Variants in UGGT1 observed in about 807,000 individuals in gnomAD.
UGGT1 encodes the protein UDP-glucose:glycoprotein glucosyltransferase 1.
UGGT1 carries 107 observed loss-of-function variants against 203.9 expected under a neutral mutation model. The ratio of observed to expected loss-of-function variants is 0.52; its 90% CI spans 0.45 to 0.62. The LOEUF (loss-of-function observed/expected upper bound fraction) is 0.62. UGGT1 is among the 20% of genes least tolerant of loss of function. The pLI is 0.00. For missense variants in UGGT1, 1,673 were observed against 1,867.2 expected (o/e 0.90, Z 1.92); for synonymous variants, 628 against 653.5 (o/e 0.96, Z 0.59).
At position 128,143,040 on chromosome 2, in the gene UGGT1, C is replaced by T. The variant is rs372526861; in HGVS notation, c.1720-54C>T. 4.7e-6 allele frequency: 7 copies of T among 1,478,946 alleles called. No individual in the cohort carries two copies. The African/African-American group carries it at 8.7e-5, about 18-fold the overall frequency. 91.6% of individuals were successfully genotyped at this position (1,478,946 alleles called of 1,614,324 possible). A position where few individuals can be genotyped will look rare whatever the true frequency, so the allele number is the denominator to read the frequency against. On this transcript the variant is annotated intron_variant, in intron 16 of 40. Coordinates refer to ENST00000259253, the MANE Select transcript of UGGT1 (RefSeq NM_020120.4). ...AATTCAGAAAAATGTGGAATAAACA[C>T]TTTGAAATTTGAACTTAAAAGTGTA... is the stretch of plus-strand genomic sequence containing the variant.
chr2:128,131,702 A>T (rs375005146), intron 13 of UGGT1, among the ~76,000 whole-genome samples: 2 of 152,204 alleles, frequency 1.3e-5, no homozygotes, highest in African/African-American at 4.8e-5. Flanking sequence ...ATCTCAGCTC[A>T]CTGCAACTTC....
chr2:128,147,324 T>C (rs1689739144), intron 18 of UGGT1, among the ~76,000 whole-genome samples: 1 of 152,262 alleles, frequency 6.6e-6, no homozygotes, highest in Non-Finnish European at 1.5e-5. Flanking sequence ...TCCAGATTTC[T>C]ATTTGGTTCT....
At chr2:128,178,949 C>G (rs577381819) in intron 34 of UGGT1, among the ~76,000 whole-genome samples, 1 of 152,194 alleles carries the variant, frequency 6.6e-6, no homozygotes, top group Admixed American at 6.5e-5. Context: ...GATTTTAGAG[C>G]CAGGAGAGAG....
intron 18 of UGGT1, chr2:128,151,268 C>T (rs371356683): frequency 2.2e-5 from 13 of 594,758 alleles, no homozygotes; most frequent in African/African-American, 5.5e-5. Context: ...TTACCTTCCT[C>T]GTCCATCTCC....
chr2:128,134,270 A>G (rs1273197441), intron 14 of UGGT1, among the ~76,000 whole-genome samples: 1 of 152,182 alleles, frequency 6.6e-6, no homozygotes, highest in African/African-American at 2.4e-5. Flanking sequence ...TCCTGAACTC[A>G]GGTGATCCAC....
intron 5 of UGGT1, among the ~76,000 whole-genome samples, chr2:128,112,424 A>T: frequency 9.0e-6 from 1 of 110,972 alleles, no homozygotes; most frequent in South Asian, 3.0e-4. Flanking sequence ...CCATCTCCAA[A>T]AAAAAAAAAA....
At chr2:128,116,873 A>T (rs1688127601) in intron 8 of UGGT1, among the ~76,000 whole-genome samples, 1 of 152,182 alleles carries the variant, frequency 6.6e-6, no homozygotes, top group Non-Finnish European at 1.5e-5. Flanking sequence ...CCCACAGTTT[A>T]AGTGCGTTTT....
chr2:128,097,267 T>C (rs1380311311), intron 1 of UGGT1, among the ~76,000 whole-genome samples, 162 bp from the exon 2 acceptor site: 1 of 151,730 alleles, frequency 6.6e-6, no homozygotes, highest in South Asian at 2.1e-4. Context: ...TCCCAGCTAC[T>C]GGGGAGGCTG....
At chr2:128,187,056 A>G (rs1011737666) in intron 39 of UGGT1, among the ~76,000 whole-genome samples, 13 of 152,090 alleles carry the variant, frequency 8.5e-5, no homozygotes, top group African/African-American at 3.1e-4. Flanking sequence ...TTCTTATAGA[A>G]TATTCTTATA....
At chr2:128,189,550 G>C (rs1692153876) in intron 40 of UGGT1, among the ~76,000 whole-genome samples, 167 bp from the exon 41 acceptor site, 1 of 152,164 alleles carries the variant, frequency 6.6e-6, no homozygotes, top group South Asian at 2.1e-4. Context: ...TTTAGTTTTT[G>C]CTTTCAAAAT....
chr2:128,188,576 T>C (rs1290716010), intron 40 of UGGT1, among the ~76,000 whole-genome samples: 1 of 152,232 alleles, frequency 6.6e-6, no homozygotes, highest in East Asian at 1.9e-4. Context: ...ATTGTACATA[T>C]TTGTGGAGTC....
intron 26 of UGGT1, among the ~76,000 whole-genome samples, chr2:128,165,297 T>A (rs1440273259): frequency 6.6e-6 from 1 of 152,130 alleles, no homozygotes; most frequent in Non-Finnish European, 1.5e-5. Context: ...TGGTGGCATG[T>A]GCATGTTGTC....
intron 16 of UGGT1, among the ~76,000 whole-genome samples, chr2:128,140,981 G>T (rs529826878): frequency 6.6e-6 from 1 of 152,110 alleles, no homozygotes; most frequent in South Asian, 2.1e-4. Context: ...AGCCACTGGG[G>T]CTTGGCTGCT....
intron 5 of UGGT1, among the ~76,000 whole-genome samples, chr2:128,111,121 G>A (rs898752382): frequency 1.3e-5 from 2 of 151,948 alleles, no homozygotes; most frequent in African/African-American, 4.9e-5. Context: ...GGCAGGCTGA[G>A]GCAGGAGGAT....
At chr2:128,155,888 G>A (rs965607398) in intron 20 of UGGT1, among the ~76,000 whole-genome samples, 1 of 152,202 alleles carries the variant, frequency 6.6e-6, no homozygotes, top group Non-Finnish European at 1.5e-5. Flanking sequence ...CATTTGTGAT[G>A]TAAAAATGGG....
In UGGT1 at chr2:128,175,566, A is replaced by C. The variant is rs948424448; in HGVS notation, c.3539+708A>C. Among the ~76,000 whole-genome samples the C allele has an allele frequency of 1.8e-4, 27 of 152,356 alleles. No individual in the cohort carries two copies. In the East Asian group the frequency reaches 5.2e-3, roughly 29 times the overall value. ...CTTAATTAGCTCCGTAGCGACACAC[A>C]TGAAACAGTGGATTAGTGCCTGGTT... On this transcript the variant is annotated intron_variant, in intron 31 of 40. Transcript: ENST00000259253.
At chr2:128,178,844 C>T (rs1299500272) in intron 34 of UGGT1, among the ~76,000 whole-genome samples, 1 of 152,144 alleles carries the variant, frequency 6.6e-6, no homozygotes, top group Non-Finnish European at 1.5e-5. Context: ...TACTGCCTGC[C>T]AAACATTGCT....
chr2:128,179,824 C>T lies in UGGT1; in HGVS notation c.3854C>T (p.Pro1285Leu), dbSNP rs1302639078. 1 of 1,613,898 alleles carries T rather than the reference C, an allele frequency of 6.2e-7. No homozygotes were observed. The highest frequency in any genetic ancestry group is 8.5e-7 in the Non-Finnish European group (1 of 1,179,998). ...TCCGTGCTGAAGAATACCAAGACTC[C>T]TGTGAAATTCTGGTTCTTGAAGAAT... ...MLSVLKNTKT[P>L]VKFWFLKNYL... is the part of the protein sequence containing the mutation. Residue 1285 changes from proline (P) to leucine (L), a missense_variant, in exon 35 of 41, where the codon CCT becomes CTT. By Grantham distance (98) the Pro-to-Leu change is moderately conservative. Transcript: ENST00000259253.
chr2:128,165,580 C>A (rs1690747417), intron 26 of UGGT1, among the ~76,000 whole-genome samples: 1 of 152,018 alleles, frequency 6.6e-6, no homozygotes, highest in South Asian at 2.1e-4. Flanking sequence ...GCCTGTAATA[C>A]CAGCTACTCA....
Sources: gnomAD v4.1 joint callset for allele counts (sites outside exome capture counted in the v4.1 genomes callset) on GRCh38, gnomAD v4.1.1 for gene constraint, MANE v1.5 for transcripts, NCBI Gene and HGNC (gene_info 2026-07-23, HGNC 2026-07-21) for gene names.